PSMB8: variants seen among roughly 807,000 people sequenced by gnomAD.
The protein encoded by PSMB8 is proteasome 20S subunit beta 8, also known as proteasome subunit beta type-8.
In PSMB8, 20 loss-of-function variants were observed where a neutral mutation model predicts 32.3. The observed-to-expected ratio is 0.62, with a 90% CI of 0.44 to 0.90. PSMB8 has a LOEUF of 0.90. Among genes scored for constraint, PSMB8 ranks in the 40% least tolerant of loss-of-function variants. The pLI is 0.00. For missense variants in PSMB8, 342 were observed against 365.4 expected (o/e 0.94, Z 0.52); for synonymous variants, 131 against 135.4 (o/e 0.97, Z 0.23).
Position 32,843,931 on chromosome 6 carries a change from C to A in PSMB8, c.66G>T (p.Ala22=). 6.2e-7 allele frequency: 1 copy of A among 1,612,720 alleles called. No individual in the cohort carries two copies. ...GQRPESALPV[A]GSGRRSDPGH... Reference sequence around the variant, plus strand: ...CTGGGTCCGAGCGACGCCCGCTTCCCGCAACCGGGAGAGCCGATTCCGGCC... The same window carrying A: ...CTGGGTCCGAGCGACGCCCGCTTCCAGCAACCGGGAGAGCCGATTCCGGCC... The change falls in exon 1 of 6, where the codon GCG becomes GCT. Residue 22 remains alanine, a synonymous_variant. Coordinates refer to ENST00000374882, the MANE Select transcript of PSMB8 (RefSeq NM_148919.4).
At chr6:32,842,092 A>T (rs1769937666) in intron 4 of PSMB8, 42 bp downstream of exon 4, 1 of 1,612,848 alleles carries the variant, frequency 6.2e-7, no homozygotes, top group African/African-American at 1.3e-5. Flanking sequence ...TGTCATCCAT[A>T]GGGAACATGG....
At chr6:32,843,816 C>T (rs764501564) in intron 1 of PSMB8, 34 bp downstream of exon 1, 8 of 1,610,976 alleles carry the variant, frequency 5.0e-6, no homozygotes, top group African/African-American at 1.3e-5. Flanking sequence ...CGCCCGCCTC[C>T]CTGCATCCCT....
chr6:32,842,043 G>T, intron 4 of PSMB8, 91 bp downstream of exon 4: 6 of 1,593,952 alleles, frequency 3.8e-6, no homozygotes, highest in East Asian at 2.2e-5. Flanking sequence ...CATGCATCTT[G>T]TCAGGGAGGG....
Position 32,841,009 on chromosome 6 carries a change from T to A in PSMB8, c.781A>T (p.Ser261Cys). The A allele has an allele frequency of 1.9e-6, 3 of 1,613,730 alleles. No homozygotes were observed. The highest frequency in any genetic ancestry group is 2.5e-6 in the Non-Finnish European group (3 of 1,179,644). Residue 261 changes from serine (S) to cysteine (C), a missense_variant, in exon 6 of 6, where the codon AGT becomes TGT. Transcript: ENST00000374882. ...MKEDGWVKVE[S>C]TDVSDLLHQY... is the part of the protein sequence containing the mutation. ...TGCAGCAGGTCACTGACATCTGTAC[T>A]TTCTACTTTCACCCAACCATCTTCC...
At chr6:32,843,752 T>A in intron 1 of PSMB8, 98 bp downstream of exon 1, 1 of 1,486,920 alleles carries the variant, frequency 6.7e-7, no homozygotes, top group Non-Finnish European at 9.3e-7. Context: ...CCCGACCCTG[T>A]ACCCCGCGCT....
upstream of PSMB8, chr6:32,844,512 G>C: frequency 1.4e-6 from 2 of 1,459,516 alleles, no homozygotes; most frequent in East Asian, 4.6e-5. Flanking sequence ...GCGTGTAGGG[G>C]AAGGCGGCGC....
rs1373022416 is a variant in PSMB8, at chr6:32,844,019, T to G, written c.-23A>C. 2 of 1,606,084 alleles carry G rather than the reference T, an allele frequency of 1.2e-6. No individual in the cohort carries two copies. Among genetic ancestry groups the G allele is most frequent in the Non-Finnish European group, 1.7e-6 (2 of 1,175,406 alleles). The stretch of plus-strand genomic sequence containing the variant: ...CATGACCGCCCAGCACCCAGAGATC[T>G]GTCCGCTCTCGGAGGAGGAAGTGAA... On this transcript the variant is annotated 5_prime_UTR_variant, in exon 1 of 6. Transcript: ENST00000374882.
chr6:32,842,293 G>C (rs1246211494), intron 3 of PSMB8, 30 bp from the exon 4 acceptor site: 1 of 1,612,742 alleles, frequency 6.2e-7, no homozygotes, highest in Non-Finnish European at 8.5e-7. Context: ...AGTGAGGAAA[G>C]AGAGGTTAGC....
chr6:32,844,148 T>C, upstream of PSMB8: 1 of 1,510,360 alleles, frequency 6.6e-7, no homozygotes, highest in Non-Finnish European at 9.0e-7. Flanking sequence ...ACCATCACAC[T>C]GGGGACCGGC....
At chr6:32,844,305 C>T, upstream of PSMB8, 1 of 1,613,864 alleles carries the variant, frequency 6.2e-7, no homozygotes, top group Non-Finnish European at 8.5e-7. Flanking sequence ...CCGCTGGAAA[C>T]AGGGGTGGGT....
At chr6:32,844,261 G>A (rs757194892), upstream of PSMB8, 1 of 1,613,546 alleles carries the variant, frequency 6.2e-7, no homozygotes, top group Non-Finnish European at 8.5e-7. Flanking sequence ...CTTGGCGATG[G>A]GTTACAGTAA....
chr6:32,843,771 C>G, intron 1 of PSMB8, 79 bp downstream of exon 1: 1 of 1,573,096 alleles, frequency 6.4e-7, no homozygotes, highest in Non-Finnish European at 8.7e-7. Context: ...CTCCCGCTCT[C>G]GCCTCCTCCT....
At chr6:32,841,901 G>C in intron 4 of PSMB8, 166 bp from the exon 5 acceptor site, 1 of 1,022,272 alleles carries the variant, frequency 9.8e-7, no homozygotes, top group South Asian at 1.5e-5. Flanking sequence ...AATGAAAAAG[G>C]AAAAACAAAC....
intron 3 of PSMB8, 76 bp downstream of exon 3, chr6:32,842,596 G>T: frequency 7.7e-7 from 1 of 1,292,990 alleles, no homozygotes; most frequent in Non-Finnish European, 1.1e-6. Flanking sequence ...CATAGGACAA[G>T]AGTAAGGAGC....
In PSMB8 at chr6:32,842,923, C is replaced by T. The variant is rs1770015027; in HGVS notation, c.295+19G>A. 6.2e-7 allele frequency: 1 copy of T among 1,613,866 alleles called. No homozygotes were observed. Among genetic ancestry groups the T allele is most frequent in the Admixed American group, 1.7e-5 (1 of 60,026 alleles). On this transcript the variant is annotated intron_variant, in intron 2 of 5. Coordinates refer to ENST00000374882, the MANE Select transcript of PSMB8 (RefSeq NM_148919.4). ...AGCCCAGCTCCCCAGATTCTGCCTG[C>T]TGGAGCGTATACACTCACTAATGTA...
In PSMB8 at chr6:32,840,927, AG is replaced by A; in HGVS notation, c.*31del. On this transcript the variant is annotated 3_prime_UTR_variant, in exon 6 of 6. Transcript: ENST00000374882. ...GTCCCTGAGTCGGCCAAGACCTCCC[AG>A]AGGAGACCTGCCCAGCTGCCACCAC... The A allele has an allele frequency of 6.3e-7, 1 of 1,577,674 alleles. No homozygotes were observed. The highest frequency in any genetic ancestry group is 8.7e-7 in the Non-Finnish European group (1 of 1,146,914).
Position 32,840,975 on chromosome 6 carries a change from C to A in PSMB8, c.815G>T (p.Arg272Leu), listed in dbSNP as rs368551668. 2.4e-5 allele frequency: 38 copies of A among 1,613,314 alleles called. 1 individual carries two copies. The South Asian group carries it at 3.5e-4, about 15-fold the overall frequency. ...CCACCACCATTATTGATTGGCTTCC[C>A]GGTACTGGTGCAGCAGGTCACTGAC... is the stretch of plus-strand genomic sequence containing the variant. ...TDVSDLLHQY[R>L]EANQ Residue 272 changes from arginine (R) to leucine (L), a missense_variant, in exon 6 of 6, where the codon CGG becomes CTG. Transcript: ENST00000374882.
chr6:32,841,695 A>G lies in PSMB8; in HGVS notation c.578T>C (p.Leu193Pro). 1 of 1,612,856 alleles carries G rather than the reference A, an allele frequency of 6.2e-7. No individual in the cohort carries two copies. Among genetic ancestry groups the G allele is most frequent in the South Asian group, 1.1e-5 (1 of 91,082 alleles). ...ACCCGTGGAGAACATATTTCCTGAG[A>G]GCCGAGTCCCATGTTCATCCACGTA... is the stretch of plus-strand genomic sequence containing the variant. ...LYYVDEHGTRLSGNMFSTGSG... is the reference protein window; with the variant it reads ...LYYVDEHGTRPSGNMFSTGSG... Residue 193 changes from leucine to proline, a missense_variant, in exon 5 of 6, where the codon CTC becomes CCC. Leu to Pro is a moderately conservative substitution (Grantham distance 98). Coordinates refer to ENST00000374882, the MANE Select transcript of PSMB8 (RefSeq NM_148919.4).
intron 4 of PSMB8, 172 bp from the exon 5 acceptor site, chr6:32,841,907 C>T (rs545350040): frequency 4.9e-6 from 5 of 1,014,876 alleles, no homozygotes; most frequent in Admixed American, 2.4e-5. Context: ...AAAGGAAAAA[C>T]AAACTTGAAA....
Sources: allele counts gnomAD v4.1 joint callset, GRCh38; gene constraint gnomAD v4.1.1; transcripts MANE v1.5; gene names NCBI Gene and HGNC (gene_info 2026-07-23, HGNC 2026-07-21).